OR6F1: variants seen among roughly 807,000 people sequenced by gnomAD.
OR6F1 encodes olfactory receptor 6F1.
For missense variants in OR6F1, 346 were observed against 376.0 expected, an observed-to-expected ratio of 0.92 and a Z score of 0.66; for synonymous variants, 144 against 150.0, an observed-to-expected ratio of 0.96 and a Z score of 0.29.
In OR6F1 at chr1:247,711,608, T is replaced by A; in HGVS notation, c.*221A>T. The A allele has an allele frequency of 2.4e-6, 1 of 423,814 alleles. No homozygotes were observed. The highest frequency in any genetic ancestry group is 2.0e-5 in the African/African-American group (1 of 50,744). The allele number at this position is 423,814 out of a possible 1,614,324, so 26.3% of individuals were successfully genotyped here. A position where few individuals can be genotyped will look rare whatever the true frequency, so the allele number is the denominator to read the frequency against. On this transcript the variant is annotated 3_prime_UTR_variant, in exon 3 of 3. Transcript: ENST00000641470. Reference sequence around the variant, plus strand: ...AAAGTCCAGAGCAAACCTAATTCAATGTATAATTATTTTTTGCTTAAAAAT... The same window carrying A: ...AAAGTCCAGAGCAAACCTAATTCAAAGTATAATTATTTTTTGCTTAAAAAT...
Position 247,712,632 on chromosome 1 carries a change from T to C in OR6F1, c.124A>G (p.Asn42Asp). 1 of 1,613,620 alleles carries C rather than the reference T, an allele frequency of 6.2e-7. No homozygotes were observed. Among genetic ancestry groups the C allele is most frequent in the Non-Finnish European group, 8.5e-7 (1 of 1,179,602 alleles). The change falls in exon 3 of 3, where the codon AAT becomes GAT. Residue 42 changes from asparagine (N) to aspartate (D), a missense_variant. Transcript: ENST00000641470. ...LVMYILTVSG[N>D]VAILMLVSTS... ...CTCACCAACATCAAGATAGCCACAT[T>C]ACCACTAACTGTGAGGATGTACATC...
In OR6F1 at chr1:247,712,056, G is replaced by T. The variant is rs200002263; in HGVS notation, c.700C>A (p.Arg234=). 3.1e-6 allele frequency: 5 copies of T among 1,613,974 alleles called. No individual in the cohort carries two copies. The African/African-American group carries it at 5.3e-5, about 17-fold the overall frequency. Residue 234 remains arginine, a synonymous_variant, in exon 3 of 3, where the codon CGG becomes AGG. Transcript: ENST00000641470. The part of the protein sequence containing the change: ...TILRIPSASG[R]SKAFSTCSSH... ...GAGCACGTGGAGAAGGCTTTGCTCC[G>T]GCCACTGGCAGAGGGGATCCTGAGG...
In OR6F1 at chr1:247,712,218, C is replaced by G; in HGVS notation, c.538G>C (p.Asp180His). 6.2e-7 allele frequency: 1 copy of G among 1,614,198 alleles called. No homozygotes were observed. The highest frequency in any genetic ancestry group is 8.5e-7 in the Non-Finnish European group (1 of 1,180,032). Residue 180 changes from aspartate (D) to histidine (H), a missense_variant, in exon 3 of 3, where the codon GAC becomes CAC. Asp to His is a moderately conservative substitution (Grantham distance 81). Transcript: ENST00000641470. Reference protein sequence around the residue: ...GPRAINHFFCDIAPWIALACT... With the variant: ...GPRAINHFFCHIAPWIALACT... ...GCCAGGGCAATCCAGGGTGCAATGT[C>G]ACAGAAGAAGTGGTTGATGGCACGG...
chr1:247,712,674 A>T lies in OR6F1; in HGVS notation c.82T>A (p.Phe28Ile). ...PGSQTLQLSL[F>I]MLFLVMYILT... ...ATGTACATCACCAGAAAAAGCATAA[A>T]GAGAGAGAGCTGAAGAGTTTGAGAA... The change falls in exon 3 of 3, where the codon TTT (phenylalanine) becomes ATT (isoleucine). Residue 28 changes from phenylalanine (F) to isoleucine (I), a missense_variant. Coordinates refer to ENST00000641470, the MANE Select transcript of OR6F1 (RefSeq NM_001005286.2). The T allele has an allele frequency of 6.2e-7, 1 of 1,613,052 alleles. No homozygotes were observed. The highest frequency in any genetic ancestry group is 8.5e-7 in the Non-Finnish European group (1 of 1,179,706).
chr1:247,711,594 C>A lies in OR6F1; in HGVS notation c.*235G>T. 2.7e-6 allele frequency: 1 copy of A among 376,506 alleles called. No homozygotes were observed. The highest frequency in any genetic ancestry group is 4.8e-6 in the Non-Finnish European group (1 of 209,688). 23.3% of individuals were successfully genotyped at this position (376,506 alleles called of 1,614,324 possible). A position where few individuals can be genotyped will look rare whatever the true frequency, so the allele number is the denominator to read the frequency against. ...CTAATTTATAAACCAAAGTCCAGAGCAAACCTAATTCAATGTATAATTATT... is the reference window on the plus strand; with the variant it reads ...CTAATTTATAAACCAAAGTCCAGAGAAAACCTAATTCAATGTATAATTATT... On this transcript the variant is annotated 3_prime_UTR_variant, in exon 3 of 3. Coordinates refer to ENST00000641470, the MANE Select transcript of OR6F1 (RefSeq NM_001005286.2).
Position 247,712,655 on chromosome 1 carries a change from A to T in OR6F1, c.101T>A (p.Met34Lys), listed in dbSNP as rs747727861. The change falls in exon 3 of 3, where the codon ATG becomes AAG. Residue 34 changes from methionine (M) to lysine (K), a missense_variant. Transcript: ENST00000641470. ...QLSLFMLFLV[M>K]YILTVSGNVA... ...ATTACCACTAACTGTGAGGATGTACATCACCAGAAAAAGCATAAAGAGAGA... is the reference window on the plus strand; with the variant it reads ...ATTACCACTAACTGTGAGGATGTACTTCACCAGAAAAAGCATAAAGAGAGA... The T allele has an allele frequency of 2.5e-6, 4 of 1,613,306 alleles. No homozygotes were observed. The highest frequency in any genetic ancestry group is 3.4e-6 in the Non-Finnish European group (4 of 1,179,514).
At chr1:247,713,516 G>A (rs1660050218) in intron 2 of OR6F1, among the ~76,000 whole-genome samples, 1 of 152,114 alleles carries the variant, frequency 6.6e-6, no homozygotes, top group East Asian at 1.9e-4. Context: ...GCAGGTGAAG[G>A]GCAAAAAATC....
Position 247,712,305 on chromosome 1 carries a change from A to G in OR6F1, c.451T>C (p.Cys151Arg), listed in dbSNP as rs1311939909. The stretch of plus-strand genomic sequence containing the variant: ...GGCACTGCAATGGCCACGAAACCAC[A>G]CACCCAGGAGCCCAGGGCCAGCTGC... ...SAQLALGSWV[C>R]GFVAIAVPTA... Residue 151 changes from cysteine (C) to arginine (R), a missense_variant, in exon 3 of 3, where the codon TGT becomes CGT. Transcript: ENST00000641470. 6.2e-7 allele frequency: 1 copy of G among 1,614,176 alleles called. No homozygotes were observed. The highest frequency in any genetic ancestry group is 1.1e-5 in the South Asian group (1 of 91,088).
chr1:247,716,252 CA>C (rs199925333), intron 1 of OR6F1, 78 bp downstream of exon 1: 15 of 148,394 alleles, frequency 1.0e-4, no homozygotes, highest in Non-Finnish European at 1.3e-4. Context: ...GACCCTGTCT[CA>C]AAAAAAAAAT....
At chr1:247,714,204 A>G (rs1193013574) in intron 1 of OR6F1, among the ~76,000 whole-genome samples, 4 of 152,186 alleles carry the variant, frequency 2.6e-5, no homozygotes, top group East Asian at 1.9e-4. Flanking sequence ...ACTGAAGACA[A>G]TTGTGAAAGA....
Position 247,712,186 on chromosome 1 carries a change from G to C in OR6F1, c.570C>G (p.Thr190=), listed in dbSNP as rs1660017085. The C allele has an allele frequency of 6.2e-7, 1 of 1,614,082 alleles. No homozygotes were observed. The highest frequency in any genetic ancestry group is 8.5e-7 in the Non-Finnish European group (1 of 1,179,930). Residue 190 remains threonine (T), a synonymous_variant, in exon 3 of 3, where the codon ACC becomes ACG. Coordinates refer to ENST00000641470, the MANE Select transcript of OR6F1 (RefSeq NM_001005286.2). The stretch of plus-strand genomic sequence containing the variant: ...CCACAAGCTCTACTGCCTGTGTGTT[G>C]GTGCAGGCCAGGGCAATCCAGGGTG... ...DIAPWIALAC[T]NTQAVELVAF...
At chr1:247,712,907 G>T (rs756047067) in intron 2 of OR6F1, 90 bp from the exon 3 acceptor site, 10 of 556,632 alleles carry the variant, frequency 1.8e-5, no homozygotes, top group Non-Finnish European at 3.2e-5. Context: ...TTGAATGCCT[G>T]CTCTGTGTTT....
chr1:247,712,113 A>G lies in OR6F1; in HGVS notation c.643T>C (p.Phe215Leu), dbSNP rs2282316. The G allele has an allele frequency of 0.24, 395,383 of 1,613,846 alleles. 55,224 individuals carry two copies. The highest frequency in any genetic ancestry group is 0.62 in the African/African-American group (46,633 of 74,972). The change falls in exon 3 of 3, where the codon TTT becomes CTT. Residue 215 changes from phenylalanine (F) to leucine (L), a missense_variant. Physicochemically the swap from Phe to Leu is conservative, Grantham distance 22. Transcript: ENST00000641470. ...CTGATGATGTACACATAGGAGACAAAGGTGATGAGGCATGAACTCAGGATA... is the reference window on the plus strand; with the variant it reads ...CTGATGATGTACACATAGGAGACAAGGGTGATGAGGCATGAACTCAGGATA... ...VVILSSCLIT[F>L]VSYVYIISTI...
rs147837031 is a variant in OR6F1, at chr1:247,715,715, T to C, written c.-127+616A>G. Among the ~76,000 whole-genome samples the C allele has an allele frequency of 2.7e-3, 418 of 152,350 alleles. 3 individuals carry two copies. Among genetic ancestry groups the C allele is most frequent in the African/African-American group, 9.7e-3 (405 of 41,584 alleles). On this transcript the variant is annotated intron_variant, in intron 1 of 2. Coordinates refer to ENST00000641470, the MANE Select transcript of OR6F1 (RefSeq NM_001005286.2). ...TTAATTTTTCAGATTAACTAACAGA[T>C]TAATCTTTCTTATATAAGTCGATTG...
In OR6F1 at chr1:247,712,036, C is replaced by T. The variant is rs376931741; in HGVS notation, c.720G>A (p.Thr240=). 4.2e-5 allele frequency: 68 copies of T among 1,614,050 alleles called. No individual in the cohort carries two copies. The African/African-American group carries it at 4.5e-4, about 11-fold the overall frequency. Residue 240 remains threonine (T), a synonymous_variant, in exon 3 of 3, where the codon ACG becomes ACA. Transcript: ENST00000641470. ...GCACCACGGTGAGATGCGAGGAGCA[C>T]GTGGAGAAGGCTTTGCTCCGGCCAC... ...SASGRSKAFS[T]CSSHLTVVLI...
intron 1 of OR6F1, among the ~76,000 whole-genome samples, chr1:247,715,542 C>T (rs965984438): frequency 6.6e-6 from 1 of 152,088 alleles, no homozygotes; most frequent in Non-Finnish European, 1.5e-5. Context: ...CATGTGAAAA[C>T]CTGTATATAT....
chr1:247,714,655 AT>A (rs944539648), intron 1 of OR6F1, among the ~76,000 whole-genome samples: 2 of 151,902 alleles, frequency 1.3e-5, no homozygotes, highest in African/African-American at 4.8e-5. Flanking sequence ...GAAGGAAAAT[AT>A]TTTTTTCCTC....
At position 247,712,512 on chromosome 1, in the gene OR6F1, G is replaced by A. The variant is rs1230330520; in HGVS notation, c.244C>T (p.Leu82=). ...WYTTAAVPKA[L]AILLGRSQTI... Reference sequence around the variant, plus strand: ...TGACTTCTCCCCAGTAGGATGGCCAGTGCTTTGGGCACTGCTGCTGTGGTA... The same window carrying A: ...TGACTTCTCCCCAGTAGGATGGCCAATGCTTTGGGCACTGCTGCTGTGGTA... Residue 82 remains leucine, a synonymous_variant, in exon 3 of 3, where the codon CTG becomes TTG. Coordinates refer to ENST00000641470, the MANE Select transcript of OR6F1 (RefSeq NM_001005286.2). The A allele has an allele frequency of 1.2e-6, 2 of 1,613,982 alleles. No individual in the cohort carries two copies. Among genetic ancestry groups the A allele is most frequent in the East Asian group, 2.2e-5 (1 of 44,890 alleles).
chr1:247,714,687 C>T (rs1291914198), intron 1 of OR6F1, among the ~76,000 whole-genome samples: 2 of 151,750 alleles, frequency 1.3e-5, no homozygotes. Flanking sequence ...GTAAAGGAGC[C>T]TAGATTATGA....
Sources: allele counts gnomAD v4.1 joint callset (sites outside exome capture counted in the v4.1 genomes callset), GRCh38; gene constraint gnomAD v4.1.1; transcripts MANE v1.5; gene names NCBI Gene and HGNC (gene_info 2026-07-23, HGNC 2026-07-21).